The following EFNA5 variants were observed in gnomAD, a reference collection of about 807,000 sequenced individuals.
EFNA5 encodes the protein ephrin-A5.
Under a neutral mutation model 22.9 loss-of-function variants are expected in EFNA5, and 5 were observed. That is an observed-to-expected ratio of 0.22 (90% CI 0.11 to 0.46). The LOEUF (loss-of-function observed/expected upper bound fraction) is 0.46, where lower values mean the gene tolerates loss of function less well. Among genes scored for constraint, EFNA5 ranks in the 20% least tolerant of loss-of-function variants. EFNA5 has a pLI of 0.99. For synonymous variants in EFNA5, 113 were observed against 112.2 expected, an observed-to-expected ratio of 1.01 and a Z score of -0.04; for missense variants, 237 against 293.3, an observed-to-expected ratio of 0.81 and a Z score of 1.40.
chr5:107,592,526 A>C (rs1368635257), intron 1 of EFNA5, among the ~76,000 whole-genome samples: 1 of 152,154 alleles, frequency 6.6e-6, no homozygotes, highest in Non-Finnish European at 1.5e-5. Flanking sequence ...TAGGCTTCTA[A>C]AATTACTTAA....
intron 1 of EFNA5, among the ~76,000 whole-genome samples, chr5:107,627,314 G>A (rs1466014939): frequency 2.0e-5 from 3 of 152,162 alleles, no homozygotes; most frequent in Non-Finnish European, 4.4e-5. Context: ...CTGAGGAATT[G>A]TTACTGAGGG....
intron 1 of EFNA5, among the ~76,000 whole-genome samples, chr5:107,599,329 A>G (rs1749539666): frequency 6.6e-6 from 1 of 152,232 alleles, no homozygotes; most frequent in Non-Finnish European, 1.5e-5. Flanking sequence ...CATATTTCCA[A>G]TTTAAAAAGC....
rs867115145 is a variant in EFNA5, at chr5:107,620,816, C to T, written c.125+49673G>A. On this transcript the variant is annotated intron_variant, in intron 1 of 4. Coordinates refer to ENST00000333274, the MANE Select transcript of EFNA5 (RefSeq NM_001962.3). ...TAATTACAATATAAAATAAGTACTA[C>T]GATAATGGAGTTTTATGTGCAAAAC... Among the ~76,000 whole-genome samples, 14 of 152,044 alleles carry T rather than the reference C, an allele frequency of 9.2e-5. No homozygotes were observed. In the East Asian group the frequency reaches 9.6e-4, roughly 10 times the overall value.
At chr5:107,577,675 C>T (rs1748952562) in intron 1 of EFNA5, among the ~76,000 whole-genome samples, 1 of 152,088 alleles carries the variant, frequency 6.6e-6, no homozygotes, top group Non-Finnish European at 1.5e-5. Flanking sequence ...AACTCTGGAC[C>T]CCCAGAAGGC....
At chr5:107,498,313 C>CTCA (rs1161457537) in intron 1 of EFNA5, among the ~76,000 whole-genome samples, 1 of 152,182 alleles carries the variant, frequency 6.6e-6, no homozygotes, top group Non-Finnish European at 1.5e-5. Flanking sequence ...TTTTTCATAG[C>CTCA]TCATACACGT....
intron 1 of EFNA5, among the ~76,000 whole-genome samples, chr5:107,663,202 C>G (rs1333599009): frequency 6.8e-6 from 1 of 146,498 alleles, no homozygotes; most frequent in East Asian, 2.1e-4. Context: ...GGTCTTAAAA[C>G]AAGATGGCTG....
intron 1 of EFNA5, among the ~76,000 whole-genome samples, chr5:107,434,062 C>T (rs928406559): frequency 2.0e-5 from 3 of 152,188 alleles, no homozygotes; most frequent in Non-Finnish European, 2.9e-5. Flanking sequence ...CAACTTTCTA[C>T]TGAGGAAGCA....
chr5:107,511,002 T>TTGTGTGTGTGTGTGTGTGTGTG (rs71644591), intron 1 of EFNA5, among the ~76,000 whole-genome samples: 69 of 140,402 alleles, frequency 4.9e-4, no homozygotes, highest in African/African-American at 1.8e-3. Flanking sequence ...TTCTTTTTCT[T>TTGTGTGTGTGTGTGTGTGTGTG]TGTGTGTGTG....
At chr5:107,533,249 A>G (rs916479331) in intron 1 of EFNA5, among the ~76,000 whole-genome samples, 1 of 152,182 alleles carries the variant, frequency 6.6e-6, no homozygotes, top group Non-Finnish European at 1.5e-5. Flanking sequence ...TGCTCTCGAT[A>G]TGAAGCGGGG....
intron 1 of EFNA5, among the ~76,000 whole-genome samples, chr5:107,578,204 G>T (rs906127158): frequency 7.2e-5 from 11 of 152,270 alleles, no homozygotes; most frequent in South Asian, 6.2e-4. Flanking sequence ...GCAAAAGTGT[G>T]CCTCTCCTAG....
chr5:107,500,070 A>G (rs1747095456), intron 1 of EFNA5, among the ~76,000 whole-genome samples: 1 of 152,200 alleles, frequency 6.6e-6, no homozygotes, highest in Admixed American at 6.5e-5. Flanking sequence ...GTTCTAACTA[A>G]TGCTTCAGTT....
chr5:107,413,945 C>T (rs1748436877), intron 2 of EFNA5, among the ~76,000 whole-genome samples: 1 of 152,164 alleles, frequency 6.6e-6, no homozygotes, highest in South Asian at 2.1e-4. Flanking sequence ...CCAACATTCA[C>T]ATCACAAAGA....
intron 1 of EFNA5, among the ~76,000 whole-genome samples, chr5:107,575,012 C>T (rs1748897685): frequency 6.6e-6 from 1 of 152,230 alleles, no homozygotes; most frequent in Non-Finnish European, 1.5e-5. Flanking sequence ...GCAGAGGGCA[C>T]TTGCTCTGCT....
At chr5:107,533,090 A>G (rs1043970915) in intron 1 of EFNA5, among the ~76,000 whole-genome samples, 1 of 152,102 alleles carries the variant, frequency 6.6e-6, no homozygotes, top group African/African-American at 2.4e-5. Context: ...GATGCCTTAT[A>G]CTTTGCAGAC....
At chr5:107,476,057 T>TATATATATATATATATATA in intron 1 of EFNA5, among the ~76,000 whole-genome samples, 24 of 100,308 alleles carry the variant, frequency 2.4e-4, no homozygotes, top group South Asian at 1.3e-3. Context: ...TATATATATA[T>TATATATATATATATATATA]TTTTTTTTTT....
intron 1 of EFNA5, among the ~76,000 whole-genome samples, chr5:107,524,623 AAG>A: frequency 6.6e-6 from 1 of 152,212 alleles, no homozygotes. Context: ...GAAAACTGTG[AAG>A]TTATTTGCTT....
chr5:107,382,716 C>T (rs944494332), intron 4 of EFNA5, among the ~76,000 whole-genome samples: 1 of 152,074 alleles, frequency 6.6e-6, no homozygotes, highest in African/African-American at 2.4e-5. Flanking sequence ...ATTTTGGGGG[C>T]CAATAGTGAG....
At chr5:107,659,715 T>C (rs905029735) in intron 1 of EFNA5, among the ~76,000 whole-genome samples, 2 of 152,012 alleles carry the variant, frequency 1.3e-5, no homozygotes, top group East Asian at 1.9e-4. Flanking sequence ...GTAATGATAA[T>C]AGTCAGATAT....
intron 1 of EFNA5, among the ~76,000 whole-genome samples, chr5:107,521,170 T>C (rs571750478): frequency 6.6e-6 from 1 of 152,286 alleles, no homozygotes; most frequent in African/African-American, 2.4e-5. Context: ...CAAAACATCA[T>C]AGCTAAGCCT....
Sources: gnomAD v4.1 joint callset for allele counts (sites outside exome capture counted in the v4.1 genomes callset) on GRCh38, gnomAD v4.1.1 for gene constraint, MANE v1.5 for transcripts, NCBI Gene and HGNC (gene_info 2026-07-23, HGNC 2026-07-21) for gene names.